The following CACNG2 variants were observed in gnomAD, a reference collection of about 807,000 sequenced individuals.
CACNG2 encodes calcium voltage-gated channel auxiliary subunit gamma 2, also known as voltage-dependent calcium channel gamma-2 subunit.
Under a neutral mutation model 25.9 loss-of-function variants are expected in CACNG2, and 3 were observed. The observed-to-expected ratio is 0.12, with a 90% CI of 0.05 to 0.30. CACNG2 has a LOEUF of 0.30. Ranked by LOEUF, CACNG2 falls within the 10% of genes least tolerant of loss-of-function variation. The pLI is 1.00. For synonymous variants in CACNG2, 167 were observed against 173.3 expected (o/e 0.96, Z 0.29); for missense variants, 341 against 432.5 (o/e 0.79, Z 1.88).
chr22:36,590,428 C>T (rs537413201), intron 1 of CACNG2, among the ~76,000 whole-genome samples: 5 of 152,216 alleles, frequency 3.3e-5, no homozygotes, highest in Middle Eastern at 3.4e-3. Flanking sequence ...GTTAGCTTGG[C>T]GAATGCTTCT....
At position 36,560,914 on chromosome 22, in the gene CACNG2, T is replaced by C. The variant is rs1935016642; in HGVS notation, c.*3437A>G. The C allele has an allele frequency of 6.6e-6, 1 of 151,260 alleles. No homozygotes were observed. Among genetic ancestry groups the C allele is most frequent in the Admixed American group, 6.6e-5 (1 of 15,220 alleles). 9.4% of individuals were successfully genotyped at this position (151,260 alleles called of 1,614,324 possible). On this transcript the variant is annotated 3_prime_UTR_variant, in exon 4 of 4. Transcript: ENST00000300105. ...ATTTCATGTACCAGGATTTTTTTTT[T>C]CAGTTTTCTGCTTTTTAAAATTTTT...
chr22:36,561,632 G>A lies in CACNG2; in HGVS notation c.*2719C>T, dbSNP rs1170030911. ...AACTCCCCAGAGAGCTCAACCTCAG[G>A]AAATGCCGGTGTCAAGAAAAATGCA... On this transcript the variant is annotated 3_prime_UTR_variant, in exon 4 of 4. Coordinates refer to ENST00000300105, the MANE Select transcript of CACNG2 (RefSeq NM_006078.5). 2 of 152,328 alleles carry A rather than the reference G, an allele frequency of 1.3e-5. No homozygotes were observed. The highest frequency in any genetic ancestry group is 6.5e-5 in the Admixed American group (1 of 15,290). The allele number at this position is 152,328 out of a possible 1,614,324, so 9.4% of individuals were successfully genotyped here. A position where few individuals can be genotyped will look rare whatever the true frequency, so the allele number is the denominator to read the frequency against.
In CACNG2 at chr22:36,659,545, C is replaced by G. The variant is rs193052581; in HGVS notation, c.211+42821G>C. ...CGTGGAGTCTTCCTGGCTTCAAAAC[C>G]CAGGTTCTCTCCTGTGACCCGGGCT... On this transcript the variant is annotated intron_variant, in intron 1 of 3. Coordinates refer to ENST00000300105, the MANE Select transcript of CACNG2 (RefSeq NM_006078.5). 1.3e-4 allele frequency among the ~76,000 whole-genome samples: 19 copies of G among 151,574 alleles called. No homozygotes were observed. The East Asian group carries it at 2.9e-3, about 23-fold the overall frequency.
intron 1 of CACNG2, among the ~76,000 whole-genome samples, chr22:36,648,139 T>C (rs553855502): frequency 6.6e-6 from 1 of 152,224 alleles, no homozygotes; most frequent in African/African-American, 2.4e-5. Context: ...GTTAACAACA[T>C]TGCCCAGCTC....
intron 1 of CACNG2, among the ~76,000 whole-genome samples, chr22:36,622,606 G>A (rs1936122474): frequency 6.6e-6 from 1 of 152,168 alleles, no homozygotes; most frequent in Admixed American, 6.5e-5. Context: ...GGGGAGGGAG[G>A]GAACAATTTT....
chr22:36,658,127 A>G (rs1169700052), intron 1 of CACNG2, among the ~76,000 whole-genome samples: 1 of 152,210 alleles, frequency 6.6e-6, no homozygotes, highest in Non-Finnish European at 1.5e-5. Context: ...GTCTGTGGGC[A>G]TTGTTAAGAA....
At chr22:36,697,016 G>A (rs778059314) in intron 1 of CACNG2, among the ~76,000 whole-genome samples, 1 of 152,140 alleles carries the variant, frequency 6.6e-6, no homozygotes, top group Non-Finnish European at 1.5e-5. Flanking sequence ...AGTTACGTAG[G>A]ATGTAAATTT....
intron 2 of CACNG2, among the ~76,000 whole-genome samples, chr22:36,579,251 A>C (rs1407091087): frequency 2.6e-5 from 4 of 151,964 alleles, no homozygotes; most frequent in Non-Finnish European, 5.9e-5. Context: ...CTAAATACAA[A>C]AAATTAGCTG....
rs1317426467 is a variant in CACNG2, at chr22:36,564,039, T to C, written c.*312A>G. The C allele has an allele frequency of 4.1e-6, 1 of 246,390 alleles. No individual in the cohort carries two copies. Among genetic ancestry groups the C allele is most frequent in the African/African-American group, 2.2e-5 (1 of 44,702 alleles). 15.3% of individuals were successfully genotyped at this position (246,390 alleles called of 1,614,324 possible). A position where few individuals can be genotyped will look rare whatever the true frequency, so the allele number is the denominator to read the frequency against. On this transcript the variant is annotated 3_prime_UTR_variant, in exon 4 of 4. Transcript: ENST00000300105. The surrounding 1 kb of genome is among the most constrained non-coding windows in gnomAD (Gnocchi z 6.7). The stretch of plus-strand genomic sequence containing the variant: ...TGCATTTTCTTTTAGATTTATTTTC[T>C]ATTTTTAATTTTTTATCCCTCTCGC...
intron 1 of CACNG2, among the ~76,000 whole-genome samples, chr22:36,685,253 G>T (rs1441806943): frequency 6.6e-6 from 1 of 152,066 alleles, no homozygotes; most frequent in Non-Finnish European, 1.5e-5. Flanking sequence ...ACCAACTGTC[G>T]TGGACCCTCT....
At chr22:36,586,283 A>T (rs1351434574) in intron 2 of CACNG2, among the ~76,000 whole-genome samples, 1 of 152,236 alleles carries the variant, frequency 6.6e-6, no homozygotes, top group East Asian at 1.9e-4. Flanking sequence ...CTGCAGCCCC[A>T]CCCCAGACAC....
chr22:36,612,235 A>T (rs982639307), intron 1 of CACNG2, among the ~76,000 whole-genome samples: 14 of 152,214 alleles, frequency 9.2e-5, no homozygotes, highest in African/African-American at 3.4e-4. Flanking sequence ...TACATTCTTT[A>T]TTGGAGAATA....
intron 1 of CACNG2, among the ~76,000 whole-genome samples, chr22:36,642,649 A>G (rs187377915): frequency 9.2e-5 from 14 of 152,350 alleles, no homozygotes; most frequent in African/African-American, 3.4e-4. Context: ...AATTTTCCTA[A>G]CCAGTCTCCT....
rs866902927 is a variant in CACNG2 at position 36,680,029 on chromosome 22, A to G, written c.211+22337T>C. ...CACCACCACCTGCACCATGGCTATA[A>G]TTACTACCACCACCATCAGCATCAC... On this transcript the variant is annotated intron_variant, in intron 1 of 3. Transcript: ENST00000300105. Among the ~76,000 whole-genome samples the G allele has an allele frequency of 8.6e-5, 13 of 151,802 alleles. 1 individual carries two copies. Among genetic ancestry groups the G allele is most frequent in the South Asian group, 4.2e-4 (2 of 4,804 alleles).
chr22:36,647,719 G>T (rs779709133), intron 1 of CACNG2, among the ~76,000 whole-genome samples: 1 of 152,178 alleles, frequency 6.6e-6, no homozygotes, highest in African/African-American at 2.4e-5. Context: ...ACACCCTGTT[G>T]CCTCTGGCTG....
At chr22:36,624,439 C>T (rs913929149) in intron 1 of CACNG2, among the ~76,000 whole-genome samples, 1 of 152,182 alleles carries the variant, frequency 6.6e-6, no homozygotes, top group Non-Finnish European at 1.5e-5. Context: ...GGTCAGGCTG[C>T]TCACCCACAG....
chr22:36,629,899 A>G (rs1936242102), intron 1 of CACNG2, among the ~76,000 whole-genome samples: 1 of 152,214 alleles, frequency 6.6e-6, no homozygotes, highest in Non-Finnish European at 1.5e-5. Context: ...CGCAAAGCCT[A>G]CAGGAAGGAA....
At chr22:36,601,302 C>A (rs1007856585) in intron 1 of CACNG2, among the ~76,000 whole-genome samples, 2 of 152,146 alleles carry the variant, frequency 1.3e-5, no homozygotes, top group Non-Finnish European at 2.9e-5. Context: ...GTATTGTCCT[C>A]CAGTTTCATG....
chr22:36,587,668 C>T lies in CACNG2; in HGVS notation c.212-120G>A, dbSNP rs1448655037. ...ACTCACTCAGCCCTCTCCCTCACCCCTGAAGGAAGGTTTCGCTTTGTCCGT... is the reference window on the plus strand; with the variant it reads ...ACTCACTCAGCCCTCTCCCTCACCCTTGAAGGAAGGTTTCGCTTTGTCCGT... On this transcript the variant is annotated intron_variant, in intron 1 of 3. Coordinates refer to ENST00000300105, the MANE Select transcript of CACNG2 (RefSeq NM_006078.5). 29 of 781,948 alleles carry T rather than the reference C, an allele frequency of 3.7e-5. 1 individual carries two copies. Among genetic ancestry groups the T allele is most frequent in the South Asian group, 2.0e-4 (15 of 73,586 alleles). 48.4% of individuals were successfully genotyped at this position (781,948 alleles called of 1,614,324 possible). A position where few individuals can be genotyped will look rare whatever the true frequency, so the allele number is the denominator to read the frequency against.
Sources: allele counts gnomAD v4.1 joint callset (sites outside exome capture counted in the v4.1 genomes callset), GRCh38; gene constraint gnomAD v4.1.1; non-coding constraint Gnocchi (gnomAD v3.1); transcripts MANE v1.5; gene names NCBI Gene and HGNC (gene_info 2026-07-23, HGNC 2026-07-21).